Variants in NELL1 observed in about 807,000 individuals in gnomAD.
NELL1 encodes the protein protein kinase C-binding protein NELL1.
Under a neutral mutation model 107.4 loss-of-function variants are expected in NELL1, and 76 were observed. That is an observed-to-expected ratio of 0.71 (90% CI 0.59 to 0.86). The LOEUF is 0.86. Among genes scored for constraint, NELL1 ranks in the 40% least tolerant of loss-of-function variants. NELL1 has a pLI of 0.00. For synonymous variants in NELL1, 353 were observed against 341.2 expected, an observed-to-expected ratio of 1.03 and a Z score of -0.38; for missense variants, 1,024 against 1,005.5, an observed-to-expected ratio of 1.02 and a Z score of -0.25.
intron 12 of NELL1, among the ~76,000 whole-genome samples, chr11:21,104,037 A>G (rs1203220551): frequency 1.3e-5 from 2 of 152,238 alleles, no homozygotes; most frequent in African/African-American, 4.8e-5. Flanking sequence ...TCCTTTTCCA[A>G]TTTCAGGGAA....
chr11:21,061,667 G>GGCCTT (rs1341097890), intron 12 of NELL1, among the ~76,000 whole-genome samples: 1 of 121,264 alleles, frequency 8.2e-6, no homozygotes, highest in Non-Finnish European at 1.8e-5. Flanking sequence ...CATTTGCAAA[G>GGCCTT]GCCTTAGAGT....
chr11:21,017,898 G>T (rs1335764584), intron 12 of NELL1, among the ~76,000 whole-genome samples: 1 of 152,184 alleles, frequency 6.6e-6, no homozygotes, highest in South Asian at 2.1e-4. Flanking sequence ...TACCATGATT[G>T]ATGACTTATC....
At chr11:21,302,833 A>G (rs767634363) in intron 14 of NELL1, among the ~76,000 whole-genome samples, 9 of 151,796 alleles carry the variant, frequency 5.9e-5, no homozygotes, top group Non-Finnish European at 1.2e-4. Context: ...AGGTGGGAGG[A>G]TCACTTGATG....
intron 15 of NELL1, among the ~76,000 whole-genome samples, chr11:21,445,405 C>T (rs939619793): frequency 1.2e-4 from 18 of 152,194 alleles, no homozygotes; most frequent in African/African-American, 4.1e-4. Flanking sequence ...CGGCTCACCA[C>T]AACCTCCGCC....
intron 14 of NELL1, among the ~76,000 whole-genome samples, chr11:21,289,812 G>A (rs1849209275): frequency 6.6e-6 from 1 of 152,106 alleles, no homozygotes; most frequent in Non-Finnish European, 1.5e-5. Flanking sequence ...TGGAGGGAGG[G>A]GCATCCGCCA....
At chr11:21,190,333 T>A (rs770493504) in intron 13 of NELL1, among the ~76,000 whole-genome samples, 5 of 151,702 alleles carry the variant, frequency 3.3e-5, no homozygotes, top group African/African-American at 7.3e-5. Context: ...GCCTGGGCGA[T>A]AGAGTGAGAC....
At chr11:20,863,607 G>A (rs117745949) in intron 4 of NELL1, among the ~76,000 whole-genome samples, 11,820 of 146,720 alleles carry the variant, frequency 0.081, 620 homozygotes, top group South Asian at 0.19. Context: ...GGGAAGAGGC[G>A]GTCCTCACCT....
chr11:21,375,820 T>C (rs527986358), intron 15 of NELL1, among the ~76,000 whole-genome samples: 3 of 152,284 alleles, frequency 2.0e-5, no homozygotes, highest in Non-Finnish European at 4.4e-5. Context: ...GAGCATTATT[T>C]TATATATTTG....
In NELL1 at chr11:21,113,690, C is replaced by A. The variant is rs371025282; in HGVS notation, c.1402C>A (p.Arg468Ser). The change falls in exon 13 of 20, where the codon CGT becomes AGT. Residue 468 changes from arginine to serine, a missense_variant. Physicochemically the swap from Arg to Ser is moderately radical, Grantham distance 110. Coordinates refer to ENST00000357134, the MANE Select transcript of NELL1 (RefSeq NM_006157.5). Reference protein sequence around the residue: ...YRCDCVPGYIRVDDFSCTEHD... With the variant: ...YRCDCVPGYISVDDFSCTEHD... ...CTGTGACTGTGTCCCAGGATACATT[C>A]GTGTGGATGACTTCTCTTGTACAGG... The A allele has an allele frequency of 1.9e-6, 3 of 1,611,852 alleles. No individual in the cohort carries two copies. The highest frequency in any genetic ancestry group is 1.1e-5 in the South Asian group (1 of 90,994).
chr11:21,373,683 A>G (rs181507200), intron 15 of NELL1, among the ~76,000 whole-genome samples: 108 of 152,244 alleles, frequency 7.1e-4, no homozygotes, highest in African/African-American at 2.5e-3. Flanking sequence ...CACACAGATG[A>G]ACAACTCTGC....
At chr11:20,693,325 C>G (rs1049338320) in intron 2 of NELL1, among the ~76,000 whole-genome samples, 2 of 151,964 alleles carry the variant, frequency 1.3e-5, no homozygotes, top group Non-Finnish European at 2.9e-5. Context: ...TTGATCCTGT[C>G]ATTATGATGT....
At chr11:21,561,956 C>A (rs1292172636) in intron 17 of NELL1, among the ~76,000 whole-genome samples, 1 of 151,996 alleles carries the variant, frequency 6.6e-6, no homozygotes, top group East Asian at 2.0e-4. Context: ...TCCCATTCAG[C>A]CAGCAGAATG....
intron 3 of NELL1, among the ~76,000 whole-genome samples, chr11:20,802,322 A>C (rs1857295917): frequency 6.6e-6 from 1 of 151,358 alleles, no homozygotes; most frequent in Admixed American, 6.6e-5. Context: ...TTAATTCCTA[A>C]GTATTTTCTT....
At chr11:21,563,197 T>A (rs1159045735) in intron 17 of NELL1, among the ~76,000 whole-genome samples, 1 of 152,104 alleles carries the variant, frequency 6.6e-6, no homozygotes, top group Non-Finnish European at 1.5e-5. Context: ...TTTTCATAGA[T>A]ACCCATCTGT....
intron 12 of NELL1, among the ~76,000 whole-genome samples, chr11:20,988,642 G>A (rs1330208133): frequency 6.6e-6 from 1 of 151,526 alleles, no homozygotes; most frequent in Admixed American, 6.6e-5. Context: ...CCAGGCTGGA[G>A]TGCAGTGGCA....
At chr11:21,096,294 A>G (rs16907467) in intron 12 of NELL1, among the ~76,000 whole-genome samples, 6,652 of 152,240 alleles carry the variant, frequency 0.044, 462 homozygotes, top group African/African-American at 0.15. Context: ...TTGTAAAAAA[A>G]CGTCCCCTAC....
chr11:20,947,704 A>G (rs1409894836), intron 11 of NELL1, among the ~76,000 whole-genome samples: 3 of 152,180 alleles, frequency 2.0e-5, no homozygotes, highest in African/African-American at 2.4e-5. Flanking sequence ...CATGTGACAA[A>G]TGTTCAATAA....
intron 14 of NELL1, among the ~76,000 whole-genome samples, chr11:21,356,101 T>G (rs1163751353): frequency 1.1e-4 from 16 of 152,234 alleles, no homozygotes; most frequent in Non-Finnish European, 8.8e-5. Context: ...TGTCTGCTTT[T>G]TCTCCTATCA....
chr11:21,048,604 T>C (rs1853413295), intron 12 of NELL1, among the ~76,000 whole-genome samples: 1 of 152,128 alleles, frequency 6.6e-6, no homozygotes, highest in Non-Finnish European at 1.5e-5. Flanking sequence ...GACTTAGGCT[T>C]GACCTTTTCT....
Sources: allele counts gnomAD v4.1 joint callset (sites outside exome capture counted in the v4.1 genomes callset), GRCh38; gene constraint gnomAD v4.1.1; transcripts MANE v1.5; gene names NCBI Gene and HGNC (gene_info 2026-07-23, HGNC 2026-07-21).